The following RASGEF1A variants were observed in gnomAD, a reference collection of about 807,000 sequenced individuals.
RASGEF1A encodes the protein RasGEF domain family member 1A, also known as ras-GEF domain-containing family member 1A.
RASGEF1A carries 18 observed loss-of-function variants against 56.4 expected under a neutral mutation model. That is an observed-to-expected ratio of 0.32 (90% CI 0.22 to 0.47). The LOEUF is 0.47. Among genes scored for constraint, RASGEF1A ranks in the 20% least tolerant of loss-of-function variants. The probability of loss-of-function intolerance (pLI) is 1.00; values close to 1 mark genes in which losing one functional copy is unlikely to be tolerated. For synonymous variants in RASGEF1A, 245 were observed against 242.6 expected, an observed-to-expected ratio of 1.01 and a Z score of -0.09; for missense variants, 422 against 627.1, an observed-to-expected ratio of 0.67 and a Z score of 3.49.
chr10:43,208,430 C>T lies in RASGEF1A; in HGVS notation c.-6-2308G>A, dbSNP rs905749311. Reference sequence around the variant, plus strand: ...GAGGCCTGCCTAGGAGTTGAGGAGCCATCCTGGGGACCCAGCCCACTGGTC... The same window carrying T: ...GAGGCCTGCCTAGGAGTTGAGGAGCTATCCTGGGGACCCAGCCCACTGGTC... On this transcript the variant is annotated intron_variant, in intron 1 of 12. Transcript: ENST00000395810. 7.1e-6 allele frequency: 7 copies of T among 985,464 alleles called. No homozygotes were observed. The African/African-American group carries it at 1.2e-4, about 17-fold the overall frequency. The allele number at this position is 985,464 out of a possible 1,614,324, so 61.0% of individuals were successfully genotyped here.
At chr10:43,259,738 G>A (rs887678385) in intron 1 of RASGEF1A, among the ~76,000 whole-genome samples, 11 of 152,166 alleles carry the variant, frequency 7.2e-5, no homozygotes, top group Admixed American at 7.2e-4. Context: ...CACGTTCAGG[G>A]GCTCAATAGG....
chr10:43,265,766 G>C (rs1313752479), intron 1 of RASGEF1A, among the ~76,000 whole-genome samples: 1 of 152,246 alleles, frequency 6.6e-6, no homozygotes, highest in Admixed American at 6.5e-5. Flanking sequence ...GAGCCGCTTA[G>C]AGTCCAGGGC....
chr10:43,237,362 A>G (rs1296759808), intron 1 of RASGEF1A, among the ~76,000 whole-genome samples: 1 of 151,738 alleles, frequency 6.6e-6, no homozygotes, highest in Non-Finnish European at 1.5e-5. Flanking sequence ...CCTCCAATGG[A>G]GCCCCTGGCC....
intron 1 of RASGEF1A, among the ~76,000 whole-genome samples, chr10:43,260,592 C>A (rs1462629535): frequency 6.6e-6 from 1 of 152,164 alleles, no homozygotes; most frequent in African/African-American, 2.4e-5. Flanking sequence ...AAGCTAGGGT[C>A]CGCCCCCCTC....
At chr10:43,203,694 C>T in intron 2 of RASGEF1A, 1 of 1,175,812 alleles carries the variant, frequency 8.5e-7, no homozygotes, top group Middle Eastern at 3.5e-4. Context: ...TTCTCCCCCT[C>T]TCTGCCCCAC....
chr10:43,223,592 GGAA>G (rs1840236150), intron 1 of RASGEF1A, among the ~76,000 whole-genome samples: 2 of 152,082 alleles, frequency 1.3e-5, no homozygotes, highest in Admixed American at 1.3e-4. Context: ...GAAACAAACT[GGAA>G]GAAGAAACTA....
chr10:43,233,349 C>T (rs1840395713), intron 1 of RASGEF1A, among the ~76,000 whole-genome samples: 1 of 152,076 alleles, frequency 6.6e-6, no homozygotes, highest in African/African-American at 2.4e-5. Context: ...TACAGAGACA[C>T]AAGTGTGAAT....
At chr10:43,231,622 C>T (rs549547730) in intron 1 of RASGEF1A, among the ~76,000 whole-genome samples, 85 of 152,394 alleles carry the variant, frequency 5.6e-4, no homozygotes, top group Admixed American at 7.2e-4. Flanking sequence ...GACGCTTCCC[C>T]GGGAGGAATG....
intron 1 of RASGEF1A, among the ~76,000 whole-genome samples, chr10:43,252,026 G>A (rs1473096888): frequency 3.3e-5 from 5 of 152,208 alleles, no homozygotes; most frequent in Non-Finnish European, 7.4e-5. Context: ...GTGGTGTCGA[G>A]CTCCCACCTG....
At chr10:43,200,447 TG>T (rs760338059) in intron 5 of RASGEF1A, among the ~76,000 whole-genome samples, 191 bp from the exon 6 acceptor site, 19 of 152,166 alleles carry the variant, frequency 1.2e-4, no homozygotes, top group Non-Finnish European at 2.6e-4. Flanking sequence ...CTCCTCCCAC[TG>T]ACACAGCACT....
chr10:43,211,696 C>T (rs1293214543), intron 1 of RASGEF1A, among the ~76,000 whole-genome samples: 1 of 152,168 alleles, frequency 6.6e-6, no homozygotes, highest in African/African-American at 2.4e-5. Flanking sequence ...AGAGGCCCCC[C>T]ACAGCTGCAC....
intron 1 of RASGEF1A, among the ~76,000 whole-genome samples, chr10:43,261,552 G>T (rs1175278942): frequency 6.6e-6 from 1 of 152,198 alleles, no homozygotes; most frequent in Non-Finnish European, 1.5e-5. Context: ...GCAGCCCCCT[G>T]CCTGCTCTGA....
chr10:43,249,556 C>A (rs964209811), intron 1 of RASGEF1A, among the ~76,000 whole-genome samples: 1 of 152,242 alleles, frequency 6.6e-6, no homozygotes, highest in African/African-American at 2.4e-5. Context: ...TCTGCTCCCC[C>A]AGGCACACAG....
intron 1 of RASGEF1A, among the ~76,000 whole-genome samples, chr10:43,221,942 C>T (rs1425957173): frequency 1.3e-5 from 2 of 152,248 alleles, no homozygotes; most frequent in Admixed American, 6.5e-5. Flanking sequence ...GTCCGTGTGG[C>T]CCGGGCACAT....
intron 7 of RASGEF1A, 95 bp downstream of exon 7, chr10:43,199,581 C>T: frequency 9.8e-7 from 1 of 1,021,218 alleles, no homozygotes; most frequent in South Asian, 1.3e-5. Flanking sequence ...TGCATTCACT[C>T]TTAAAGTTCC....
At chr10:43,236,291 A>G (rs1271387317) in intron 1 of RASGEF1A, among the ~76,000 whole-genome samples, 3 of 152,242 alleles carry the variant, frequency 2.0e-5, no homozygotes, top group Non-Finnish European at 4.4e-5. Flanking sequence ...GGCATCGTCT[A>G]GGGCACCGCG....
intron 1 of RASGEF1A, among the ~76,000 whole-genome samples, chr10:43,230,253 C>A (rs1022445710): frequency 6.6e-6 from 1 of 152,242 alleles, no homozygotes; most frequent in African/African-American, 2.4e-5. Flanking sequence ...CTGAGACAGG[C>A]GTCGCACAGA....
At chr10:43,249,155 CATCT>C (rs1415992252) in intron 1 of RASGEF1A, among the ~76,000 whole-genome samples, 1 of 152,178 alleles carries the variant, frequency 6.6e-6, no homozygotes, top group Admixed American at 6.5e-5. Flanking sequence ...CACCTGTGTC[CATCT>C]GAGGAGCAGG....
At chr10:43,253,224 G>A (rs1407835391) in intron 1 of RASGEF1A, among the ~76,000 whole-genome samples, 3 of 152,166 alleles carry the variant, frequency 2.0e-5, no homozygotes, top group African/African-American at 4.8e-5. Flanking sequence ...TGTGTTCAGC[G>A]GGTGCCACAA....
Sources: gnomAD v4.1 joint callset for allele counts (sites outside exome capture counted in the v4.1 genomes callset) on GRCh38, gnomAD v4.1.1 for gene constraint, MANE v1.5 for transcripts, NCBI Gene and HGNC (gene_info 2026-07-23, HGNC 2026-07-21) for gene names.